Variants in MYOF observed in about 807,000 individuals in gnomAD.
MYOF encodes fer-1-like 3, myoferlin.
Under a neutral mutation model 284.2 loss-of-function variants are expected in MYOF, and 244 were observed. The observed-to-expected ratio is 0.86, with a 90% confidence interval of 0.77 to 0.95. MYOF has a LOEUF of 0.95. Among genes scored for constraint, MYOF ranks in the 40% least tolerant of loss-of-function variants. The probability of loss-of-function intolerance (pLI) is 0.00; values close to 1 mark genes in which losing one functional copy is unlikely to be tolerated. For missense variants in MYOF, 2,496 were observed against 2,560.6 expected, an observed-to-expected ratio of 0.97 and a Z score of 0.54; for synonymous variants, 904 against 919.7, an observed-to-expected ratio of 0.98 and a Z score of 0.31.
rs202239563 is a variant in MYOF, at chr10:93,316,713, C to T, written c.5698+1G>A. The T allele has an allele frequency of 5.2e-5, 84 of 1,609,030 alleles. No individual in the cohort carries two copies. The highest frequency in any genetic ancestry group is 1.6e-4 in the Middle Eastern group (1 of 6,074). On this transcript the variant is annotated splice_donor_variant, in intron 50 of 53. Transcript: ENST00000359263. LOFTEE classifies it high-confidence loss of function. ...AACAATGATCCAAATGTAAGCCCTA[C>T]CCAAGTAGTCATCCAGAGAAAACTT...
intron 46 of MYOF, chr10:93,323,785 C>T (rs570223747): frequency 6.1e-6 from 1 of 164,834 alleles, no homozygotes; most frequent in East Asian, 1.7e-4. Context: ...AGTTCTCAGG[C>T]TGTCATTCTA....
At chr10:93,410,541 G>C (rs1017539773) in intron 5 of MYOF, among the ~76,000 whole-genome samples, 3 of 152,076 alleles carry the variant, frequency 2.0e-5, no homozygotes, top group African/African-American at 7.2e-5. Flanking sequence ...CTTTTCCTCT[G>C]CCTTCAAGTA....
intron 3 of MYOF, among the ~76,000 whole-genome samples, chr10:93,432,647 G>C (rs181693906): frequency 6.6e-6 from 1 of 152,178 alleles, no homozygotes; most frequent in Admixed American, 6.5e-5. Flanking sequence ...GCATTCAAAC[G>C]TTCAGTGTGT....
At chr10:93,308,484 C>T (rs1363699582) in intron 53 of MYOF, among the ~76,000 whole-genome samples, 1 of 148,074 alleles carries the variant, frequency 6.8e-6, no homozygotes, top group Non-Finnish European at 1.5e-5. Flanking sequence ...ACTCGGGAGG[C>T]TGAGGCATGA....
Position 93,482,237 on chromosome 10 carries a change from A to AGCTG in MYOF, c.-44_-43insCAGC. 6.4e-7 allele frequency: 1 copy of AGCTG among 1,561,530 alleles called. No individual in the cohort carries two copies. The highest frequency in any genetic ancestry group is 8.8e-7 in the Non-Finnish European group (1 of 1,136,760). Reference sequence around the variant, plus strand: ...AAGCAAGTTTCAGCAAACGAAGTGGAGACTAGGGCGCTGGAGCTCCGGGTC... The same window carrying AGCTG: ...AAGCAAGTTTCAGCAAACGAAGTGGAGCTGGACTAGGGCGCTGGAGCTCCGGGTC... On this transcript the variant is annotated 5_prime_UTR_variant, in exon 1 of 54. Transcript: ENST00000359263.
rs746334043 is a variant in MYOF, at chr10:93,393,537, C to T, written c.1418-582G>A. ...CTTGTAGCAATCTCTGTTTTTAGTT[C>T]TTCTGGATGTTACCACCATGTCACT... On this transcript the variant is annotated intron_variant, in intron 16 of 53. Transcript: ENST00000359263. 2.0e-5 allele frequency among the ~76,000 whole-genome samples: 3 copies of T among 152,310 alleles called. No individual in the cohort carries two copies. The East Asian group carries it at 5.8e-4, about 29-fold the overall frequency.
At position 93,359,924 on chromosome 10, in the gene MYOF, G is replaced by A. The variant is rs751142952; in HGVS notation, c.3029C>T (p.Ala1010Val). Reference sequence around the variant, plus strand: ...ATGAGTGTGGTACATTTTCTCTGCTGCAACCCAGGATTTGGGCTTATGATC... The same window carrying A: ...ATGAGTGTGGTACATTTTCTCTGCTACAACCCAGGATTTGGGCTTATGATC... The part of the protein sequence containing the change: ...PPDHKPKSWV[A>V]AEKMYHTHRR... Residue 1010 changes from alanine (A) to valine (V), a missense_variant, in exon 29 of 54, where the codon GCA (alanine) becomes GTA (valine). Physicochemically the swap from Ala to Val is moderately conservative, Grantham distance 64. This residue lies in a region of MYOF where 2,436 missense variants were observed against 2,480.7 expected (regional missense o/e 0.98). Coordinates refer to ENST00000359263, the MANE Select transcript of MYOF (RefSeq NM_013451.4). The A allele has an allele frequency of 1.2e-6, 2 of 1,614,134 alleles. No individual in the cohort carries two copies. Among genetic ancestry groups the A allele is most frequent in the Non-Finnish European group, 1.7e-6 (2 of 1,180,034 alleles).
chr10:93,383,217 GACTGTTTTAAGA>G lies in MYOF; in HGVS notation c.1699-1833_1699-1822del, dbSNP rs144125599. On this transcript the variant is annotated intron_variant, in intron 19 of 53. Coordinates refer to ENST00000359263, the MANE Select transcript of MYOF (RefSeq NM_013451.4). Reference sequence around the variant, plus strand: ...TGGCTGGAATTTTTAAATTTTTAAGGACTGTTTTAAGAACTTCTGACAGTGACTGAAGCTTGT... The same window carrying G: ...TGGCTGGAATTTTTAAATTTTTAAGGACTTCTGACAGTGACTGAAGCTTGT... Among the ~76,000 whole-genome samples, 457 of 152,192 alleles carry G rather than the reference GACTGTTTTAAGA, an allele frequency of 3.0e-3. 3 individuals are homozygous for G. Among genetic ancestry groups the G allele is most frequent in the East Asian group, 0.02 (102 of 5,178 alleles).
Position 93,409,697 on chromosome 10 carries a change from T to C in MYOF, c.476A>G (p.Asn159Ser), listed in dbSNP as rs189864047. The change falls in exon 6 of 54, where the codon AAT becomes AGT. Residue 159 changes from asparagine (N) to serine (S), a missense_variant. By Grantham distance (46) the Asn-to-Ser change is conservative (BLOSUM62 1). Around this residue, in one of 3 missense-constraint regions of MYOF, gnomAD observed 2,436 missense variants for 2,480.7 expected, o/e 0.98. Transcript: ENST00000359263. ...EDEGDEDRLD[N>S]AVRGPGPKGP... ...CTTGGGCCCAGGGCCCCTGACTGCA[T>C]TGTCCAACCTGTCTTCATCACCTTC... 30 of 1,614,180 alleles carry C rather than the reference T, an allele frequency of 1.9e-5. No homozygotes were observed. Among genetic ancestry groups the C allele is most frequent in the Non-Finnish European group, 2.5e-5 (29 of 1,180,034 alleles).
intron 1 of MYOF, among the ~76,000 whole-genome samples, chr10:93,477,617 G>T (rs542289082): frequency 2.6e-5 from 4 of 152,114 alleles, no homozygotes; most frequent in South Asian, 4.2e-4. Context: ...GGGAGGCCAA[G>T]GCAGGCGGAT....
intron 5 of MYOF, among the ~76,000 whole-genome samples, chr10:93,424,989 A>T (rs1848519252): frequency 8.5e-6 from 1 of 116,984 alleles, no homozygotes. Flanking sequence ...CCCAGGCTGG[A>T]GTGCAGTGGC....
chr10:93,308,281 A>G (rs536100436), intron 53 of MYOF, among the ~76,000 whole-genome samples: 155 of 150,686 alleles, frequency 1.0e-3, no homozygotes, highest in Non-Finnish European at 2.0e-3. Flanking sequence ...AGTTTTTTAA[A>G]TGGTCAAGAC....
chr10:93,447,671 A>G (rs2056471948), intron 3 of MYOF, among the ~76,000 whole-genome samples: 1 of 152,160 alleles, frequency 6.6e-6, no homozygotes, highest in South Asian at 2.1e-4. Context: ...GCCAGCTAAT[A>G]AAGGACTCCT....
At chr10:93,307,593 C>A (rs553896299) in intron 53 of MYOF, among the ~76,000 whole-genome samples, 1 of 151,494 alleles carries the variant, frequency 6.6e-6, no homozygotes, top group East Asian at 2.0e-4. Flanking sequence ...AGCCACCACG[C>A]CCTGCAGTAA....
chr10:93,315,973 AAAAAAAAT>A (rs1297882085), intron 50 of MYOF, among the ~76,000 whole-genome samples: 1 of 151,822 alleles, frequency 6.6e-6, no homozygotes, highest in African/African-American at 2.4e-5. Context: ...AGTGAAAAAA[AAAAAAAAT>A]TAGCCAGGTT....
At chr10:93,331,629 A>G (rs766874996) in intron 43 of MYOF, among the ~76,000 whole-genome samples, 15 of 146,030 alleles carry the variant, frequency 1.0e-4, no homozygotes, top group Non-Finnish European at 1.5e-4. Context: ...GAAAACGATC[A>G]TATTGCGGTG....
chr10:93,384,761 G>T (rs1476676623), intron 19 of MYOF, among the ~76,000 whole-genome samples: 1 of 152,178 alleles, frequency 6.6e-6, no homozygotes, highest in Non-Finnish European at 1.5e-5. Context: ...GGATAAGGTG[G>T]TATAAAGTAG....
chr10:93,449,567 C>T (rs567887455), intron 3 of MYOF, among the ~76,000 whole-genome samples: 2 of 152,090 alleles, frequency 1.3e-5, no homozygotes, highest in South Asian at 4.2e-4. Flanking sequence ...TATAATAGTT[C>T]GCAGCTGAGA....
Position 93,377,355 on chromosome 10 carries a change from C to T in MYOF, c.2076G>A (p.Leu692=). Residue 692 remains leucine (L), a synonymous_variant, in exon 22 of 54, where the codon CTG becomes CTA. Coordinates refer to ENST00000359263, the MANE Select transcript of MYOF (RefSeq NM_013451.4). ...CTTCTATAACTTCATCTATCAGCTTCAGCCACAATTCAGCCAGCTGGTTTG... is the reference window on the plus strand; with the variant it reads ...CTTCTATAACTTCATCTATCAGCTTTAGCCACAATTCAGCCAGCTGGTTTG... The part of the protein sequence containing the change: ...IPANQLAELW[L]KLIDEVIEDT... 1 of 1,614,100 alleles carries T rather than the reference C, an allele frequency of 6.2e-7. No individual in the cohort carries two copies.
Sources: allele counts gnomAD v4.1 joint callset (sites outside exome capture counted in the v4.1 genomes callset), GRCh38; gene constraint gnomAD v4.1.1; regional missense constraint gnomAD v4.1.1; transcripts MANE v1.5; gene names NCBI Gene and HGNC (gene_info 2026-07-23, HGNC 2026-07-21).